UTRN: variants seen among roughly 807,000 people sequenced by gnomAD.
UTRN encodes dystrophin-related protein 1.
A neutral mutation model predicts 463.9 loss-of-function variants in UTRN; 283 were observed. That is an observed-to-expected ratio of 0.61 (90% CI 0.55 to 0.67). The LOEUF is 0.67. Ranked by LOEUF, UTRN falls within the 30% of genes least tolerant of loss-of-function variation. The probability of loss-of-function intolerance (pLI) is 0.00; values close to 1 mark genes in which losing one functional copy is unlikely to be tolerated. For missense variants in UTRN, 3,922 were observed against 4,084.3 expected (o/e 0.96, Z 1.08); for synonymous variants, 1,442 against 1,431.5 (o/e 1.01, Z -0.17).
chr6:144,357,669 G>A (rs1778690701), intron 2 of UTRN, among the ~76,000 whole-genome samples: 1 of 152,212 alleles, frequency 6.6e-6, no homozygotes. Context: ...TAGAATCACT[G>A]ATCTTAGTAC....
intron 52 of UTRN, among the ~76,000 whole-genome samples, chr6:144,692,794 C>T (rs568777778): frequency 1.3e-5 from 2 of 152,042 alleles, no homozygotes; most frequent in African/African-American, 4.8e-5. Context: ...CAATATTAGA[C>T]CTTTGTCAGA....
At chr6:144,712,441 A>G (rs1475082766) in intron 53 of UTRN, among the ~76,000 whole-genome samples, 1 of 152,238 alleles carries the variant, frequency 6.6e-6, no homozygotes, top group Non-Finnish European at 1.5e-5. Context: ...TCACAAATGT[A>G]GGCAAGAAAC....
chr6:144,403,397 C>T (rs1008178479), intron 3 of UTRN, among the ~76,000 whole-genome samples: 1 of 152,124 alleles, frequency 6.6e-6, no homozygotes, highest in Non-Finnish European at 1.5e-5. Flanking sequence ...TTGACTTTTA[C>T]CTGGCCTTCT....
intron 59 of UTRN, among the ~76,000 whole-genome samples, chr6:144,773,482 C>T (rs1259290543): frequency 1.3e-5 from 2 of 152,202 alleles, no homozygotes; most frequent in African/African-American, 4.8e-5. Flanking sequence ...CCTTTTCTCA[C>T]CCATCATAAG....
At chr6:144,538,362 AT>A (rs200494513) in intron 44 of UTRN, among the ~76,000 whole-genome samples, 3 of 151,240 alleles carry the variant, frequency 2.0e-5, no homozygotes, top group African/African-American at 7.3e-5. Context: ...ATGTGCTCAC[AT>A]TTTTTTTTAA....
At chr6:144,665,218 C>T (rs749706698) in intron 51 of UTRN, among the ~76,000 whole-genome samples, 34 of 152,210 alleles carry the variant, frequency 2.2e-4, no homozygotes, top group Admixed American at 5.2e-4. Context: ...TCTAGTCTAG[C>T]ACCCATTTAG....
chr6:144,403,398 C>T (rs1783100284), intron 3 of UTRN, among the ~76,000 whole-genome samples: 1 of 152,124 alleles, frequency 6.6e-6, no homozygotes. Context: ...TGACTTTTAC[C>T]TGGCCTTCTC....
intron 58 of UTRN, among the ~76,000 whole-genome samples, chr6:144,768,083 A>G (rs1196451030): frequency 6.6e-6 from 1 of 152,188 alleles, no homozygotes; most frequent in Admixed American, 6.5e-5. Flanking sequence ...TTGCCCAGAA[A>G]TCAAGATTTT....
intron 2 of UTRN, among the ~76,000 whole-genome samples, chr6:144,359,720 G>A (rs972657631): frequency 1.4e-5 from 2 of 139,102 alleles, no homozygotes; most frequent in Non-Finnish European, 3.1e-5. Flanking sequence ...TCTACGCATC[G>A]TTTTTTTTTT....
At chr6:144,728,548 A>T (rs1226817260) in intron 53 of UTRN, among the ~76,000 whole-genome samples, 1 of 150,762 alleles carries the variant, frequency 6.6e-6, no homozygotes, top group Non-Finnish European at 1.5e-5. Flanking sequence ...TAAATAGGAG[A>T]TGATGGAAGG....
At chr6:144,600,552 A>G (rs190271368) in intron 51 of UTRN, among the ~76,000 whole-genome samples, 207 of 152,362 alleles carry the variant, frequency 1.4e-3, no homozygotes, top group African/African-American at 3.5e-3. Context: ...ACTCTCTTCA[A>G]TTCTATGAAG....
At chr6:144,616,869 C>A (rs1331654618) in intron 51 of UTRN, among the ~76,000 whole-genome samples, 1 of 152,132 alleles carries the variant, frequency 6.6e-6, no homozygotes, top group Non-Finnish European at 1.5e-5. Context: ...ATCAGTGCAG[C>A]CAGCCCGCCA....
chr6:144,664,888 A>T (rs183989114), intron 51 of UTRN, among the ~76,000 whole-genome samples: 111 of 151,644 alleles, frequency 7.3e-4, no homozygotes, highest in African/African-American at 2.5e-3. Flanking sequence ...ATATATATAT[A>T]TTTTTAAAAT....
At chr6:144,544,184 G>T (rs1451604156) in intron 46 of UTRN, among the ~76,000 whole-genome samples, 1 of 152,116 alleles carries the variant, frequency 6.6e-6, no homozygotes, top group African/African-American at 2.4e-5. Context: ...CTTGGGATAG[G>T]CCTGAGACCT....
intron 51 of UTRN, among the ~76,000 whole-genome samples, chr6:144,617,815 C>T (rs1393985023): frequency 2.0e-5 from 3 of 152,102 alleles, no homozygotes; most frequent in African/African-American, 2.4e-5. Context: ...ACTGTTCTAC[C>T]GGGGAGTATG....
intron 31 of UTRN, 74 bp from the exon 32 acceptor site, chr6:144,490,855 T>C: frequency 6.9e-7 from 1 of 1,446,274 alleles, no homozygotes; most frequent in Middle Eastern, 1.9e-4. Flanking sequence ...AAATTTTTAG[T>C]AGTATCTGTT....
At chr6:144,597,162 TG>T (rs1803739169) in intron 51 of UTRN, among the ~76,000 whole-genome samples, 1 of 150,028 alleles carries the variant, frequency 6.7e-6, no homozygotes, top group South Asian at 2.1e-4. Context: ...TGCTTGAACC[TG>T]GGAGGCGAAG....
intron 51 of UTRN, among the ~76,000 whole-genome samples, chr6:144,671,117 G>A (rs1585907395): frequency 6.7e-6 from 1 of 149,470 alleles, no homozygotes; most frequent in East Asian, 2.0e-4. Flanking sequence ...TGGCTATGTG[G>A]GGTCCTTTTT....
At chr6:144,520,263 A>G (rs1351733693) in intron 39 of UTRN, among the ~76,000 whole-genome samples, 2 of 152,358 alleles carry the variant, frequency 1.3e-5, no homozygotes, top group Admixed American at 6.5e-5. Context: ...CTGATCTTCC[A>G]AAATAAAAAC....
Sources: gnomAD v4.1 joint callset for allele counts (sites outside exome capture counted in the v4.1 genomes callset) on GRCh38, gnomAD v4.1.1 for gene constraint, MANE v1.5 for transcripts, NCBI Gene and HGNC (gene_info 2026-07-23, HGNC 2026-07-21) for gene names.